PALM2AKAP2: variants seen among roughly 807,000 people sequenced by gnomAD.
PALM2AKAP2 encodes the protein PALM2 and AKAP2 fusion, also known as PALM2-AKAP2 fusion protein.
In PALM2AKAP2, 37 loss-of-function variants were observed where a neutral mutation model predicts 71.5. The observed-to-expected ratio is 0.52, with a 90% CI of 0.40 to 0.68. PALM2AKAP2 has a LOEUF of 0.68. Ranked by LOEUF, PALM2AKAP2 falls within the 30% of genes least tolerant of loss-of-function variation. PALM2AKAP2 has a pLI of 0.00. For synonymous variants in PALM2AKAP2, 468 were observed against 478.8 expected, an observed-to-expected ratio of 0.98 and a Z score of 0.29; for missense variants, 1,224 against 1,191.8, an observed-to-expected ratio of 1.03 and a Z score of -0.40.
intron 6 of PALM2AKAP2, among the ~76,000 whole-genome samples, chr9:109,969,088 G>GCACACACA (rs34057385): frequency 0.021 from 3,159 of 149,678 alleles, 63 homozygotes; most frequent in East Asian, 0.067. Flanking sequence ...AAATGTGCGT[G>GCACACACA]CACACACACA....
chr9:109,957,743 T>G (rs1055646086), intron 6 of PALM2AKAP2, among the ~76,000 whole-genome samples: 10 of 152,192 alleles, frequency 6.6e-5, no homozygotes. Context: ...TTCTCCAAAA[T>G]ATAATGCTAT....
At chr9:109,810,136 T>G (rs1057390922) in intron 1 of PALM2AKAP2, among the ~76,000 whole-genome samples, 1 of 152,182 alleles carries the variant, frequency 6.6e-6, no homozygotes, top group Admixed American at 6.5e-5. Context: ...GTCATAAACA[T>G]TCAGTCCATA....
chr9:109,768,318 T>TAA (rs147606507), intron 1 of PALM2AKAP2, among the ~76,000 whole-genome samples: 1 of 151,200 alleles, frequency 6.6e-6, no homozygotes, highest in African/African-American at 2.4e-5. Context: ...TCCAAGTACT[T>TAA]AAAAAAAAAG....
chr9:109,940,650 A>C (rs1831338926), intron 6 of PALM2AKAP2, among the ~76,000 whole-genome samples: 1 of 152,098 alleles, frequency 6.6e-6, no homozygotes, highest in Non-Finnish European at 1.5e-5. Flanking sequence ...AGATCTCTAG[A>C]AGTTTGGAGG....
exon 2 of PALM2AKAP2, chr9:110,138,439 G>A: frequency 6.2e-7 from 1 of 1,614,240 alleles, no homozygotes; most frequent in Non-Finnish European, 8.5e-7. Flanking sequence ...AAAGGGAAGA[G>A]GAGCTGAAGA....
intron 1 of PALM2AKAP2, among the ~76,000 whole-genome samples, chr9:109,699,404 A>G (rs1275516335): frequency 6.6e-6 from 1 of 152,234 alleles, no homozygotes; most frequent in Non-Finnish European, 1.5e-5. Context: ...ATATTGAGGG[A>G]ATAATCAGAG....
chr9:110,127,174 T>C (rs1352033224), intron 1 of PALM2AKAP2, among the ~76,000 whole-genome samples: 4 of 151,868 alleles, frequency 2.6e-5, no homozygotes, highest in African/African-American at 9.7e-5. Context: ...CTCCAAAGGG[T>C]TGAGTTTTCT....
At chr9:109,806,642 T>C (rs887982119) in intron 1 of PALM2AKAP2, among the ~76,000 whole-genome samples, 1 of 152,152 alleles carries the variant, frequency 6.6e-6, no homozygotes, top group Non-Finnish European at 1.5e-5. Flanking sequence ...GAGTGAGCCA[T>C]GTGGATATCT....
At chr9:109,898,628 G>A (rs1227836719) in intron 3 of PALM2AKAP2, among the ~76,000 whole-genome samples, 3 of 152,136 alleles carry the variant, frequency 2.0e-5, no homozygotes, top group Non-Finnish European at 4.4e-5. Flanking sequence ...TAAAAAACAA[G>A]TCTCTATACT....
chr9:109,890,595 A>G (rs1830066185), intron 3 of PALM2AKAP2, among the ~76,000 whole-genome samples: 1 of 152,248 alleles, frequency 6.6e-6, no homozygotes, highest in Non-Finnish European at 1.5e-5. Context: ...AAACCTTAAC[A>G]GTGGGAAATT....
intron 1 of PALM2AKAP2, among the ~76,000 whole-genome samples, chr9:110,063,402 G>T (rs75175911): frequency 6.6e-6 from 1 of 151,574 alleles, no homozygotes; most frequent in Non-Finnish European, 1.5e-5. Flanking sequence ...TCTTCACATG[G>T]TCTCTCCTCT....
intron 1 of PALM2AKAP2, among the ~76,000 whole-genome samples, chr9:109,789,814 T>A (rs1827063463): frequency 6.6e-6 from 1 of 152,194 alleles, no homozygotes; most frequent in Non-Finnish European, 1.5e-5. Context: ...GGAGCTACAG[T>A]GCCCTTGGTT....
intron 3 of PALM2AKAP2, among the ~76,000 whole-genome samples, chr9:109,904,108 C>T (rs7848719): frequency 0.086 from 13,075 of 152,192 alleles, 1,011 homozygotes; most frequent in East Asian, 0.29. Flanking sequence ...AGAAAGGAAG[C>T]ACAAACATTT....
At chr9:110,136,554 C>T (rs772758224) in exon 2 of PALM2AKAP2, 1 of 1,613,456 alleles carries the variant, frequency 6.2e-7, no homozygotes, top group South Asian at 1.1e-5. Context: ...ACTGAAAGAA[C>T]AGCTAGCCGG....
At chr9:109,813,424 G>A (rs1369036369) in intron 1 of PALM2AKAP2, among the ~76,000 whole-genome samples, 1 of 137,420 alleles carries the variant, frequency 7.3e-6, no homozygotes, top group East Asian at 2.5e-4. Flanking sequence ...AACGGCCTCT[G>A]GTTGCGTTGT....
intron 3 of PALM2AKAP2, among the ~76,000 whole-genome samples, chr9:109,902,448 A>G (rs1830350963): frequency 6.6e-6 from 1 of 152,260 alleles, no homozygotes; most frequent in Non-Finnish European, 1.5e-5. Flanking sequence ...TATGACGTCA[A>G]TTCAGCCATC....
At chr9:109,962,358 A>T (rs910125353) in intron 6 of PALM2AKAP2, among the ~76,000 whole-genome samples, 1 of 152,208 alleles carries the variant, frequency 6.6e-6, no homozygotes, top group African/African-American at 2.4e-5. Context: ...GGGATCAGCA[A>T]CTATGGCCTT....
chr9:110,107,139 AGTT>A (rs1835138803), intron 1 of PALM2AKAP2, among the ~76,000 whole-genome samples: 1 of 152,284 alleles, frequency 6.6e-6, no homozygotes, highest in East Asian at 1.9e-4. Context: ...AAAATATTCT[AGTT>A]GTTTGGTTTT....
At chr9:110,102,983 C>A (rs1237315289) in intron 1 of PALM2AKAP2, among the ~76,000 whole-genome samples, 1 of 152,116 alleles carries the variant, frequency 6.6e-6, no homozygotes, top group Non-Finnish European at 1.5e-5. Flanking sequence ...TTCTTTCACT[C>A]CCATCTCAGG....
Sources: allele counts gnomAD v4.1 joint callset (sites outside exome capture counted in the v4.1 genomes callset), GRCh38; gene constraint gnomAD v4.1.1; transcripts MANE v1.5; gene names NCBI Gene and HGNC (gene_info 2026-07-23, HGNC 2026-07-21).